Variants in MARCHF1 observed in about 807,000 individuals in gnomAD.
MARCHF1 encodes the protein membrane associated ring-CH-type finger 1, also known as E3 ubiquitin-protein ligase MARCHF1.
Under a neutral mutation model 54.2 loss-of-function variants are expected in MARCHF1, and 40 were observed. The ratio of observed to expected loss-of-function variants is 0.74; its 90% confidence interval spans 0.57 to 0.96. The LOEUF (loss-of-function observed/expected upper bound fraction) is 0.96, where lower values mean the gene tolerates loss of function less well. Ranked by LOEUF, MARCHF1 falls within the 40% of genes least tolerant of loss-of-function variation. The pLI is 0.00. For missense variants in MARCHF1, 586 were observed against 656.5 expected (o/e 0.89, Z 1.17); for synonymous variants, 236 against 236.3 (o/e 1.00, Z 0.01).
chr4:163,903,352 T>C (rs949947869), intron 3 of MARCHF1, among the ~76,000 whole-genome samples: 1 of 152,160 alleles, frequency 6.6e-6, no homozygotes, highest in Non-Finnish European at 1.5e-5. Context: ...ATATCTCTAT[T>C]TAACCTGGGA....
chr4:163,773,981 G>C (rs1156369177), intron 4 of MARCHF1, among the ~76,000 whole-genome samples: 2 of 151,828 alleles, frequency 1.3e-5, no homozygotes, highest in Non-Finnish European at 2.9e-5. Flanking sequence ...TATGCTTTTT[G>C]TTAAATGCAG....
Position 164,245,513 on chromosome 4 carries a change from G to A in MARCHF1, c.-322-133851C>T, listed in dbSNP as rs1732920340. On this transcript the variant is annotated intron_variant, in intron 1 of 9. Transcript: ENST00000514618. ...ATATCATACTGAATGGACAAAAACT[G>A]GAAGCATTCCCTTTGAAAACTGGCA... is the stretch of plus-strand genomic sequence containing the variant. Among the ~76,000 whole-genome samples the A allele has an allele frequency of 2.6e-5, 4 of 151,840 alleles. No individual in the cohort carries two copies. The South Asian group carries it at 8.4e-4, about 32-fold the overall frequency.
At chr4:163,601,436 T>C (rs1740961739) in intron 7 of MARCHF1, among the ~76,000 whole-genome samples, 1 of 151,990 alleles carries the variant, frequency 6.6e-6, no homozygotes, top group Non-Finnish European at 1.5e-5. Context: ...GAATTTCATA[T>C]TGCTAAACAG....
chr4:164,001,216 T>C (rs76940873), intron 2 of MARCHF1, among the ~76,000 whole-genome samples: 2,456 of 151,858 alleles, frequency 0.016, 57 homozygotes, highest in African/African-American at 0.052. Flanking sequence ...GAATAATTAC[T>C]AGAAAAATAC....
At chr4:164,197,227 C>T (rs780209558) in intron 1 of MARCHF1, 42 of 1,610,414 alleles carry the variant, frequency 2.6e-5, no homozygotes, top group Non-Finnish European at 3.2e-5. Flanking sequence ...GTCATCCAGG[C>T]CCTCCACGTG....
rs1738195692 is a variant in MARCHF1 at position 163,528,050 on chromosome 4, T to C, written c.*698A>G. 6.6e-6 allele frequency: 1 copy of C among 152,542 alleles called. No homozygotes were observed. Among genetic ancestry groups the C allele is most frequent in the Admixed American group, 6.6e-5 (1 of 15,246 alleles). The allele number at this position is 152,542 out of a possible 1,614,324, so 9.4% of individuals were successfully genotyped here. The stretch of plus-strand genomic sequence containing the variant: ...AATAAATATAAGACCTGATAACAGT[T>C]CTGTGGGTATTTAACAGAGCTAATT... On this transcript the variant is annotated 3_prime_UTR_variant, in exon 10 of 10. Transcript: ENST00000514618.
chr4:163,956,677 A>G (rs1175470779), intron 3 of MARCHF1, among the ~76,000 whole-genome samples: 1 of 152,166 alleles, frequency 6.6e-6, no homozygotes, highest in East Asian at 1.9e-4. Context: ...AACACAGTTT[A>G]TGTGTTGAGA....
At chr4:164,103,907 A>T (rs1374259724) in intron 2 of MARCHF1, among the ~76,000 whole-genome samples, 1 of 147,448 alleles carries the variant, frequency 6.8e-6, no homozygotes, top group Non-Finnish European at 1.5e-5. Context: ...GAATCAATAG[A>T]CGCAATAAAA....
intron 4 of MARCHF1, among the ~76,000 whole-genome samples, chr4:163,831,724 A>G (rs1749030252): frequency 6.6e-6 from 1 of 152,242 alleles, no homozygotes; most frequent in African/African-American, 2.4e-5. Context: ...AGGAAAGGCA[A>G]TTCATGACAA....
intron 3 of MARCHF1, among the ~76,000 whole-genome samples, chr4:163,883,962 A>C (rs1750475819): frequency 2.6e-5 from 4 of 152,210 alleles, no homozygotes; most frequent in Admixed American, 2.6e-4. Context: ...TTTGAATCAC[A>C]TGCACTGTGA....
intron 8 of MARCHF1, among the ~76,000 whole-genome samples, chr4:163,552,999 C>G (rs2110946687): frequency 6.8e-6 from 1 of 146,662 alleles, no homozygotes; most frequent in South Asian, 2.1e-4. Flanking sequence ...CGCCACTGCC[C>G]TCCAGCCTGG....
At position 164,192,868 on chromosome 4, in the gene MARCHF1, C is replaced by T. The variant is rs183837476; in HGVS notation, c.-322-81206G>A. On this transcript the variant is annotated intron_variant, in intron 1 of 9. Coordinates refer to ENST00000514618, the MANE Select transcript of MARCHF1 (RefSeq NM_001394959.1). ...CCAATGACCTTTGTCTTCTGCTAGG[C>T]ACTTTTCGGAAGAAGCATTCCTTAT... Among the ~76,000 whole-genome samples, 20 of 152,232 alleles carry T rather than the reference C, an allele frequency of 1.3e-4. No individual in the cohort carries two copies. In the East Asian group the frequency reaches 2.5e-3, roughly 19 times the overall value.
intron 3 of MARCHF1, among the ~76,000 whole-genome samples, chr4:163,871,432 A>C (rs1750166057): frequency 6.6e-6 from 1 of 152,128 alleles, no homozygotes. Context: ...TACCATCTTT[A>C]CCAATATCAA....
intron 3 of MARCHF1, among the ~76,000 whole-genome samples, chr4:163,962,833 T>G (rs1490741555): frequency 6.6e-6 from 1 of 151,960 alleles, no homozygotes; most frequent in African/African-American, 2.4e-5. Flanking sequence ...TTAAAAATGA[T>G]TTAGAGCATA....
In MARCHF1 at chr4:164,199,638, A is replaced by T. The variant is rs990258584; in HGVS notation, c.-322-87976T>A. ...GTGACAGAGCAGGACTCTGTCACAC[A>T]CACACACACACACACACACACACAC... On this transcript the variant is annotated intron_variant, in intron 1 of 9. Transcript: ENST00000514618. Among the ~76,000 whole-genome samples, 274 of 83,262 alleles carry T rather than the reference A, an allele frequency of 3.3e-3. 3 individuals are homozygous for T. Among genetic ancestry groups the T allele is most frequent in the African/African-American group, 0.011 (255 of 23,586 alleles). 54.6% of individuals were successfully genotyped at this position (83,262 alleles called of 152,430 possible). A position where few individuals can be genotyped will look rare whatever the true frequency, so the allele number is the denominator to read the frequency against.
chr4:164,036,770 C>A (rs1373428513), intron 2 of MARCHF1, among the ~76,000 whole-genome samples: 1 of 151,216 alleles, frequency 6.6e-6, no homozygotes, highest in African/African-American at 2.4e-5. Flanking sequence ...AATAAAAAGG[C>A]TAGAATTTAA....
intron 2 of MARCHF1, among the ~76,000 whole-genome samples, chr4:164,076,037 G>A (rs545608140): frequency 2.0e-5 from 3 of 152,188 alleles, no homozygotes; most frequent in African/African-American, 7.2e-5. Context: ...AGTGATACAG[G>A]TGCTTGGTAG....
chr4:163,607,949 T>C (rs1741198441), intron 7 of MARCHF1, among the ~76,000 whole-genome samples: 1 of 152,150 alleles, frequency 6.6e-6, no homozygotes, highest in Admixed American at 6.6e-5. Flanking sequence ...GTGTAGAGTA[T>C]TCTTTCCATG....
chr4:164,021,867 T>TTA (rs375853031), intron 2 of MARCHF1, among the ~76,000 whole-genome samples: 5,380 of 146,960 alleles, frequency 0.037, 272 homozygotes, highest in African/African-American at 0.12. Flanking sequence ...AAAAAAAAAA[T>TTA]TATATATATA....
Sources: gnomAD v4.1 joint callset for allele counts (sites outside exome capture counted in the v4.1 genomes callset) on GRCh38, gnomAD v4.1.1 for gene constraint, MANE v1.5 for transcripts, NCBI Gene and HGNC (gene_info 2026-07-23, HGNC 2026-07-21) for gene names.